ADAM18: variants seen among roughly 807,000 people sequenced by gnomAD.
ADAM18 encodes disintegrin and metalloproteinase domain-containing protein 18.
A neutral mutation model predicts 94.4 loss-of-function variants in ADAM18; 117 were observed. That is an observed-to-expected ratio of 1.24 (90% CI 1.07 to 1.45). ADAM18 has a LOEUF of 1.45. Ranked by LOEUF, ADAM18 falls within the 40% of genes most tolerant of loss-of-function variation. The pLI is 0.00. For synonymous variants in ADAM18, 327 were observed against 291.6 expected (o/e 1.12, Z -1.24); for missense variants, 936 against 880.0 (o/e 1.06, Z -0.81).
At chr8:39,596,969 AG>A (rs1175651038) in intron 2 of ADAM18, among the ~76,000 whole-genome samples, 1 of 152,204 alleles carries the variant, frequency 6.6e-6, no homozygotes, top group Non-Finnish European at 1.5e-5. Context: ...AAAGATTAGA[AG>A]AAAGTACAGA....
chr8:39,660,789 T>A (rs1392710411), intron 12 of ADAM18, among the ~76,000 whole-genome samples: 1 of 152,178 alleles, frequency 6.6e-6, no homozygotes, highest in African/African-American at 2.4e-5. Flanking sequence ...CATTAAAAAG[T>A]AGTAATTCTA....
intron 3 of ADAM18, 146 bp from the exon 4 acceptor site, chr8:39,608,896 G>A (rs781652939): frequency 8.5e-6 from 5 of 589,924 alleles, no homozygotes; most frequent in Non-Finnish European, 1.2e-5. Context: ...AATTTCAACT[G>A]TTATGCCTCA....
intron 16 of ADAM18, among the ~76,000 whole-genome samples, chr8:39,688,104 C>A (rs961588585): frequency 6.6e-6 from 1 of 152,130 alleles, no homozygotes; most frequent in Non-Finnish European, 1.5e-5. Context: ...ATAAATGTTG[C>A]CATTTCTCTG....
chr8:39,643,937 C>T (rs1267853235), intron 10 of ADAM18, among the ~76,000 whole-genome samples: 1 of 151,630 alleles, frequency 6.6e-6, no homozygotes, highest in East Asian at 1.9e-4. Context: ...TCTGCTCTGG[C>T]TTTAACTCCT....
intron 18 of ADAM18, among the ~76,000 whole-genome samples, chr8:39,723,293 G>C (rs914615840): frequency 6.6e-6 from 1 of 151,442 alleles, no homozygotes; most frequent in African/African-American, 2.4e-5. Context: ...GCGGATACAA[G>C]TATAGGTATA....
intron 2 of ADAM18, among the ~76,000 whole-genome samples, chr8:39,603,681 T>C (rs888897353): frequency 2.6e-5 from 4 of 152,226 alleles, no homozygotes; most frequent in Non-Finnish European, 1.5e-5. Flanking sequence ...GCCTATATTG[T>C]TAGTTTTGTG....
At chr8:39,709,644 G>A (rs911756970) in intron 18 of ADAM18, among the ~76,000 whole-genome samples, 1 of 152,124 alleles carries the variant, frequency 6.6e-6, no homozygotes, top group Non-Finnish European at 1.5e-5. Flanking sequence ...GTTATTGGGT[G>A]TCTGGTGAGG....
At chr8:39,603,359 C>T (rs1273253337) in intron 2 of ADAM18, among the ~76,000 whole-genome samples, 1 of 152,204 alleles carries the variant, frequency 6.6e-6, no homozygotes, top group African/African-American at 2.4e-5. Context: ...TCCCTCACTA[C>T]AGGCATACCT....
At chr8:39,715,328 A>T (rs921713163) in intron 18 of ADAM18, among the ~76,000 whole-genome samples, 14 of 152,058 alleles carry the variant, frequency 9.2e-5, no homozygotes, top group African/African-American at 3.4e-4. Context: ...CAAATGCAAA[A>T]CTTACAGAAA....
intron 16 of ADAM18, among the ~76,000 whole-genome samples, chr8:39,686,994 G>C (rs1390768208): frequency 6.6e-6 from 1 of 152,170 alleles, no homozygotes. Flanking sequence ...TTTTAAAATA[G>C]ATTCCTATTT....
At chr8:39,602,749 GCTTTTTTTCATTCTTTTAATAATGT>G (rs59642980) in intron 2 of ADAM18, among the ~76,000 whole-genome samples, 5,353 of 151,874 alleles carry the variant, frequency 0.035, 238 homozygotes, top group African/African-American at 0.11. Flanking sequence ...CCTGTCTATA[GCTTTTTTTCATTCTTTTAATAATGT>G]CTTTCTTTGA....
chr8:39,613,240 T>C (rs1819330663), intron 6 of ADAM18, among the ~76,000 whole-genome samples: 1 of 152,194 alleles, frequency 6.6e-6, no homozygotes, highest in Non-Finnish European at 1.5e-5. Context: ...TGGAATATTG[T>C]TGCCAGCATA....
chr8:39,671,351 T>C (rs1002426609), intron 14 of ADAM18, among the ~76,000 whole-genome samples: 2 of 152,212 alleles, frequency 1.3e-5, no homozygotes, highest in Non-Finnish European at 2.9e-5. Context: ...GGTAATGGCA[T>C]TAAATGGCTA....
chr8:39,629,574 T>C, intron 7 of ADAM18, 135 bp downstream of exon 7: 1 of 564,942 alleles, frequency 1.8e-6, no homozygotes. Context: ...CTCCTTATTT[T>C]CTCCCTCTCC....
At chr8:39,640,859 T>G (rs1028580061) in intron 10 of ADAM18, among the ~76,000 whole-genome samples, 14 of 151,440 alleles carry the variant, frequency 9.2e-5, no homozygotes, top group Admixed American at 2.0e-4. Flanking sequence ...TTTGTCCACT[T>G]TGTAATGGTT....
intron 17 of ADAM18, among the ~76,000 whole-genome samples, chr8:39,702,431 TG>T (rs1418772327): frequency 7.9e-5 from 12 of 152,202 alleles, no homozygotes; most frequent in Non-Finnish European, 1.5e-4. Context: ...TCTCCCATTC[TG>T]TAGGTTGTCT....
chr8:39,720,869 G>A (rs1482086471), intron 18 of ADAM18, among the ~76,000 whole-genome samples: 1 of 151,350 alleles, frequency 6.6e-6, no homozygotes, highest in African/African-American at 2.4e-5. Flanking sequence ...CACTTCCCGT[G>A]TATGCATATA....
intron 16 of ADAM18, among the ~76,000 whole-genome samples, chr8:39,686,302 C>T (rs1474488851): frequency 6.6e-6 from 1 of 152,128 alleles, no homozygotes; most frequent in Non-Finnish European, 1.5e-5. Context: ...AATTTACAAA[C>T]AAAAGGAACG....
At chr8:39,614,161 A>G (rs1156964561) in intron 6 of ADAM18, among the ~76,000 whole-genome samples, 2 of 152,224 alleles carry the variant, frequency 1.3e-5, no homozygotes, top group Non-Finnish European at 2.9e-5. Context: ...CAACCATCCC[A>G]AGACACATAG....
Sources: allele counts gnomAD v4.1 joint callset (sites outside exome capture counted in the v4.1 genomes callset), GRCh38; gene constraint gnomAD v4.1.1; transcripts MANE v1.5; gene names NCBI Gene and HGNC (gene_info 2026-07-23, HGNC 2026-07-21).